Variants in NECTIN1 observed in about 807,000 individuals in gnomAD.
The protein encoded by NECTIN1 is nectin-1.
A neutral mutation model predicts 48.0 loss-of-function variants in NECTIN1; 23 were observed. The ratio of observed to expected loss-of-function variants is 0.48; its 90% confidence interval spans 0.34 to 0.68. The LOEUF (loss-of-function observed/expected upper bound fraction) is 0.68, where lower values mean the gene tolerates loss of function less well. Among genes scored for constraint, NECTIN1 ranks in the 30% least tolerant of loss-of-function variants. NECTIN1 has a pLI of 0.01. For synonymous variants in NECTIN1, 270 were observed against 288.9 expected, an observed-to-expected ratio of 0.93 and a Z score of 0.66; for missense variants, 591 against 709.9, an observed-to-expected ratio of 0.83 and a Z score of 1.90.
chr11:119,666,671 G>C (rs767928239), intron 5 of NECTIN1, among the ~76,000 whole-genome samples: 11 of 152,222 alleles, frequency 7.2e-5, no homozygotes, highest in Non-Finnish European at 1.5e-4. Context: ...CTTGCTCCAG[G>C]CCCACGTAAA....
chr11:119,722,787 GT>G (rs1865854560), intron 1 of NECTIN1, among the ~76,000 whole-genome samples: 3 of 152,238 alleles, frequency 2.0e-5, no homozygotes, highest in Admixed American at 2.0e-4. Context: ...GGGAACACGA[GT>G]AGCAGACTCA....
intron 1 of NECTIN1, among the ~76,000 whole-genome samples, chr11:119,718,174 C>T (rs929182268): frequency 6.6e-6 from 1 of 152,182 alleles, no homozygotes. Context: ...GGGTGACCCT[C>T]GAGAGGACAA....
intron 5 of NECTIN1, among the ~76,000 whole-genome samples, chr11:119,670,404 A>G (rs1304536209): frequency 6.6e-6 from 1 of 152,230 alleles, no homozygotes; most frequent in Non-Finnish European, 1.5e-5. Context: ...TCAATGTTCA[A>G]GAAGTATCTG....
chr11:119,720,646 T>A (rs535026835), intron 1 of NECTIN1, among the ~76,000 whole-genome samples: 2 of 152,358 alleles, frequency 1.3e-5, no homozygotes, highest in Admixed American at 6.5e-5. Flanking sequence ...TTGTTTTTCA[T>A]GGACACCTCC....
intron 1 of NECTIN1, among the ~76,000 whole-genome samples, chr11:119,707,581 C>T (rs979471674): frequency 9.9e-5 from 15 of 152,182 alleles, no homozygotes; most frequent in African/African-American, 3.6e-4. Flanking sequence ...TCCAGTCATA[C>T]CCCACCTTGT....
chr11:119,676,876 T>C (rs1031499226), intron 4 of NECTIN1: 3 of 587,334 alleles, frequency 5.1e-6, no homozygotes, highest in Admixed American at 2.8e-5. Context: ...GAAACCCCTC[T>C]GGCAGAATAG....
At chr11:119,696,384 C>A (rs1210696192) in intron 1 of NECTIN1, among the ~76,000 whole-genome samples, 1 of 152,054 alleles carries the variant, frequency 6.6e-6, no homozygotes, top group Non-Finnish European at 1.5e-5. Flanking sequence ...GAGTGGGCCT[C>A]TTGTCAGTGC....
chr11:119,717,660 CT>C (rs1207001917), intron 1 of NECTIN1, among the ~76,000 whole-genome samples: 1 of 152,210 alleles, frequency 6.6e-6, no homozygotes, highest in Non-Finnish European at 1.5e-5. Flanking sequence ...CTAGGAGTTG[CT>C]GCAGAAAGCC....
At chr11:119,717,712 G>C (rs1865768068) in intron 1 of NECTIN1, among the ~76,000 whole-genome samples, 1 of 152,236 alleles carries the variant, frequency 6.6e-6, no homozygotes, top group Admixed American at 6.5e-5. Context: ...CCCGGTCCCA[G>C]AGGGCAGAGG....
intron 1 of NECTIN1, among the ~76,000 whole-genome samples, chr11:119,690,097 G>C (rs1446354619): frequency 6.6e-6 from 1 of 152,184 alleles, no homozygotes; most frequent in Admixed American, 6.5e-5. Flanking sequence ...CCAGGCCTTG[G>C]CACAAGGTGC....
At chr11:119,688,210 A>C (rs1865192826) in intron 1 of NECTIN1, among the ~76,000 whole-genome samples, 1 of 152,152 alleles carries the variant, frequency 6.6e-6, no homozygotes, top group African/African-American at 2.4e-5. Flanking sequence ...TGATTTGAGG[A>C]TCCAATGAAA....
chr11:119,701,243 C>T (rs1865446703), intron 1 of NECTIN1, among the ~76,000 whole-genome samples: 1 of 152,168 alleles, frequency 6.6e-6, no homozygotes, highest in African/African-American at 2.4e-5. Context: ...ACCAAAGTGA[C>T]CTCATGAGTA....
chr11:119,708,360 G>A (rs1168685121), intron 1 of NECTIN1, among the ~76,000 whole-genome samples: 1 of 152,208 alleles, frequency 6.6e-6, no homozygotes, highest in Non-Finnish European at 1.5e-5. Context: ...AAGCAAGGTA[G>A]GAGCCAGTTG....
chr11:119,655,320 C>CCTCTCCCACTATTAAACTATTAAA (rs1864555016), intron 5 of NECTIN1, among the ~76,000 whole-genome samples: 1 of 152,124 alleles, frequency 6.6e-6, no homozygotes, highest in Non-Finnish European at 1.5e-5. Flanking sequence ...ATAGGTATGG[C>CCTCTCCCACTATTAAACTATTAAA]CTCTCCCACT....
rs1007995551 is a variant in NECTIN1, at chr11:119,677,106, T to C, written c.847A>G (p.Thr283Ala). The C allele has an allele frequency of 6.2e-7, 1 of 1,613,540 alleles. No homozygotes were observed. Among genetic ancestry groups the C allele is most frequent in the Non-Finnish European group, 8.5e-7 (1 of 1,179,654 alleles). Residue 283 changes from threonine (T) to alanine (A), a missense_variant, in exon 4 of 6, where the codon ACC (threonine) becomes GCC (alanine). Physicochemically the swap from Thr to Ala is moderately conservative, Grantham distance 58. Transcript: ENST00000264025. The surrounding 1 kb of genome is among the most constrained non-coding windows in gnomAD (Gnocchi z 5.4). ...ANPPATEYHW[T>A]TLNGSLPKGV... is the part of the protein sequence containing the mutation. Reference sequence around the variant, plus strand: ...GGTCAGCCCTGCAGCACTTACGTGGTCCAGTGGTACTCAGTGGCTGGGGGG... The same window carrying C: ...GGTCAGCCCTGCAGCACTTACGTGGCCCAGTGGTACTCAGTGGCTGGGGGG...
At chr11:119,667,356 C>G (rs770929722) in intron 5 of NECTIN1, among the ~76,000 whole-genome samples, 2,805 of 152,322 alleles carry the variant, frequency 0.018, 94 homozygotes, top group African/African-American at 0.064. Flanking sequence ...CTTCATCCAT[C>G]CCTCCCATCA....
At chr11:119,644,274 C>A (rs75360292) in intron 5 of NECTIN1, among the ~76,000 whole-genome samples, 2 of 152,196 alleles carry the variant, frequency 1.3e-5, no homozygotes, top group African/African-American at 4.8e-5. Context: ...AGGCCGCGTG[C>A]TACTGGGGCT....
rs549740052 is a variant in NECTIN1, at chr11:119,681,994, G to T, written c.80-3229C>A. Among the ~76,000 whole-genome samples the T allele has an allele frequency of 2.9e-4, 44 of 152,268 alleles. No homozygotes were observed. The South Asian group carries it at 8.9e-3, about 31-fold the overall frequency. ...AAGGGGCTTAGGGTCATTGAGGGTG[G>T]GGACTGGATCCCAGAGTTCTGGAGT... On this transcript the variant is annotated intron_variant, in intron 1 of 5. Coordinates refer to ENST00000264025, the MANE Select transcript of NECTIN1 (RefSeq NM_002855.5).
Position 119,654,578 on chromosome 11 carries a change from T to C in NECTIN1, c.1004-14566A>G, listed in dbSNP as rs1864541583. Among the ~76,000 whole-genome samples the C allele has an allele frequency of 3.2e-4, 6 of 18,912 alleles. No individual in the cohort carries two copies. The Admixed American group carries it at 5.2e-3, about 16-fold the overall frequency. The allele number at this position is 18,912 out of a possible 152,430, so 12.4% of individuals were successfully genotyped here. A position where few individuals can be genotyped will look rare whatever the true frequency, so the allele number is the denominator to read the frequency against. ...TGTGTGTGTTTCTTCAGGAACACCT[T>C]TTTTTTTTTTTGAGATGGAATCTCG... is the stretch of plus-strand genomic sequence containing the variant. On this transcript the variant is annotated intron_variant, in intron 5 of 7. Transcript: ENST00000341398.
Sources: allele counts gnomAD v4.1 joint callset (sites outside exome capture counted in the v4.1 genomes callset), GRCh38; gene constraint gnomAD v4.1.1; non-coding constraint Gnocchi (gnomAD v3.1); transcripts MANE v1.5; gene names NCBI Gene and HGNC (gene_info 2026-07-23, HGNC 2026-07-21).